Variants in ARHGAP17 observed in about 807,000 individuals in gnomAD.
ARHGAP17 encodes the protein rho GTPase-activating protein 17.
Under a neutral mutation model 99.5 loss-of-function variants are expected in ARHGAP17, and 57 were observed. The ratio of observed to expected loss-of-function variants is 0.57; its 90% confidence interval spans 0.46 to 0.71. The LOEUF (loss-of-function observed/expected upper bound fraction) is 0.71, where lower values mean the gene tolerates loss of function less well. Among genes scored for constraint, ARHGAP17 ranks in the 30% least tolerant of loss-of-function variants. The probability of loss-of-function intolerance (pLI) is 0.00; values close to 1 mark genes in which losing one functional copy is unlikely to be tolerated. For missense variants in ARHGAP17, 1,000 were observed against 1,122.4 expected, an observed-to-expected ratio of 0.89 and a Z score of 1.56; for synonymous variants, 417 against 429.6, an observed-to-expected ratio of 0.97 and a Z score of 0.36.
chr16:24,944,041 G>T (rs1213326494), intron 14 of ARHGAP17, among the ~76,000 whole-genome samples, 179 bp from the exon 15 acceptor site: 1 of 152,130 alleles, frequency 6.6e-6, no homozygotes, highest in Admixed American at 6.5e-5. Flanking sequence ...GGGAGGCTGA[G>T]GCGGGCGGAT....
chr16:24,929,546 G>A (rs2050927193), intron 19 of ARHGAP17: 28 of 969,414 alleles, frequency 2.9e-5, no homozygotes, highest in Non-Finnish European at 3.2e-5. Context: ...TGCAAAACAC[G>A]GCTAAGCAGG....
intron 1 of ARHGAP17, among the ~76,000 whole-genome samples, chr16:24,987,711 G>A (rs1006807366): frequency 6.6e-6 from 1 of 152,038 alleles, no homozygotes; most frequent in Non-Finnish European, 1.5e-5. Context: ...CAGGGCTGTT[G>A]GTTTTTGGTT....
chr16:24,927,330 G>C (rs1171455268), intron 19 of ARHGAP17, among the ~76,000 whole-genome samples: 1 of 152,214 alleles, frequency 6.6e-6, no homozygotes, highest in African/African-American at 2.4e-5. Context: ...AGATCAGCCA[G>C]GTTGTGCCTA....
At chr16:24,923,274 T>G (rs541690913) in intron 19 of ARHGAP17, among the ~76,000 whole-genome samples, 3 of 152,280 alleles carry the variant, frequency 2.0e-5, no homozygotes, top group Non-Finnish European at 4.4e-5. Context: ...GATCATTGTT[T>G]CAGTCTTACA....
chr16:25,003,984 C>A (rs1244190577), intron 1 of ARHGAP17, among the ~76,000 whole-genome samples: 4 of 152,094 alleles, frequency 2.6e-5, no homozygotes, highest in African/African-American at 9.7e-5. Context: ...GAGAGTTGCT[C>A]CCCTGCTAAG....
At chr16:24,997,951 C>A (rs891782891) in intron 1 of ARHGAP17, among the ~76,000 whole-genome samples, 1 of 152,090 alleles carries the variant, frequency 6.6e-6, no homozygotes, top group Non-Finnish European at 1.5e-5. Context: ...GCTGTGAGGA[C>A]CAGCAGCAAA....
At chr16:25,001,979 G>A (rs2053372198) in intron 1 of ARHGAP17, among the ~76,000 whole-genome samples, 1 of 151,994 alleles carries the variant, frequency 6.6e-6, no homozygotes, top group African/African-American at 2.4e-5. Flanking sequence ...TACTGGGGAG[G>A]CTGAGGCAGG....
intron 7 of ARHGAP17, among the ~76,000 whole-genome samples, chr16:24,961,489 A>G (rs2051996979): frequency 7.2e-6 from 1 of 139,604 alleles, no homozygotes. Context: ...ACAGAGCAAG[A>G]TCTAGTCTCT....
In ARHGAP17 at chr16:24,931,137, T is replaced by A; in HGVS notation, c.2162A>T (p.Gln721Leu). The A allele has an allele frequency of 6.2e-7, 1 of 1,604,960 alleles. No individual in the cohort carries two copies. Among genetic ancestry groups the A allele is most frequent in the Non-Finnish European group, 8.5e-7 (1 of 1,175,936 alleles). The change falls in exon 19 of 20, where the codon CAG (glutamine) becomes CTG (leucine). Residue 721 changes from glutamine to leucine, a missense_variant. Transcript: ENST00000289968. Reference sequence around the variant, plus strand: ...TTTGGTGTGCATCAGTGGCGTGGCCTGCGTAGGGGGCTGCGGCGGTGGGTG... The same window carrying A: ...TTTGGTGTGCATCAGTGGCGTGGCCAGCGTAGGGGGCTGCGGCGGTGGGTG... ...PNHPPPQPPT[Q>L]ATPLMHTKPN...
chr16:24,935,486 C>A lies in ARHGAP17; in HGVS notation c.1878G>T (p.Pro626=), dbSNP rs9921633. 1.9e-6 allele frequency: 3 copies of A among 1,603,362 alleles called. No individual in the cohort carries two copies. The Admixed American group carries it at 5.2e-5, about 28-fold the overall frequency. Residue 626 remains proline, a synonymous_variant, in exon 18 of 20, where the codon CCG becomes CCT. Coordinates refer to ENST00000289968, the MANE Select transcript of ARHGAP17 (RefSeq NM_001006634.3). ...GCTGCTTACCTCGGCGCAGTGTATG[C>A]GGGCTGGGCCCTGCAGCATTGTGAG... ...GQPHNAAGPS[P]HTLRRAVKKP...
chr16:24,975,625 G>A (rs1226375321), intron 3 of ARHGAP17, among the ~76,000 whole-genome samples: 1 of 152,142 alleles, frequency 6.6e-6, no homozygotes, highest in African/African-American at 2.4e-5. Context: ...TGCTGCCAGG[G>A]TGCCCCATAA....
At chr16:24,956,929 G>T (rs890216534) in intron 9 of ARHGAP17, 17 of 152,204 alleles carry the variant, frequency 1.1e-4, no homozygotes, top group African/African-American at 3.9e-4. Flanking sequence ...GTTGGAGGGG[G>T]TCTCATGAGA....
At position 24,947,927 on chromosome 16, in the gene ARHGAP17, A is replaced by G. The variant is rs146874902; in HGVS notation, c.1128-332T>C. Among the ~76,000 whole-genome samples, 201 of 152,314 alleles carry G rather than the reference A, an allele frequency of 1.3e-3. No individual in the cohort carries two copies. In the South Asian group the frequency reaches 0.028, roughly 21 times the overall value. ...ATAATGTGTTAATAGTGAGCTCAAT[A>G]TTTTTAAATACAAAAACAGACACAG... On this transcript the variant is annotated intron_variant, in intron 13 of 19. Coordinates refer to ENST00000289968, the MANE Select transcript of ARHGAP17 (RefSeq NM_001006634.3).
At position 24,920,030 on chromosome 16, in the gene ARHGAP17, C is replaced by T; in HGVS notation, c.*100G>A. Reference sequence around the variant, plus strand: ...CAGTGAGGCCCTCCTTTGTCCTCCACTGAAAGCTTTTCACTGTTCGGTCTG... The same window carrying T: ...CAGTGAGGCCCTCCTTTGTCCTCCATTGAAAGCTTTTCACTGTTCGGTCTG... On this transcript the variant is annotated 3_prime_UTR_variant, in exon 20 of 20. Coordinates refer to ENST00000289968, the MANE Select transcript of ARHGAP17 (RefSeq NM_001006634.3). 6.6e-7 allele frequency: 1 copy of T among 1,517,296 alleles called. No individual in the cohort carries two copies. Among genetic ancestry groups the T allele is most frequent in the Middle Eastern group, 2.5e-4 (1 of 4,050 alleles). The allele number at this position is 1,517,296 out of a possible 1,614,324, so 94.0% of individuals were successfully genotyped here.
intron 3 of ARHGAP17, 54 bp from the exon 4 acceptor site, chr16:24,970,634 A>C: frequency 6.7e-7 from 1 of 1,490,786 alleles, no homozygotes; most frequent in Non-Finnish European, 9.4e-7. Flanking sequence ...CCCATTCTCA[A>C]TGATCTTTTT....
At chr16:24,966,042 G>A (rs748041761) in intron 6 of ARHGAP17, among the ~76,000 whole-genome samples, 2 of 152,216 alleles carry the variant, frequency 1.3e-5, no homozygotes, top group African/African-American at 2.4e-5. Flanking sequence ...ATGCACTCAA[G>A]ATGCAAAACT....
chr16:25,006,492 T>C (rs1465720390), intron 1 of ARHGAP17, among the ~76,000 whole-genome samples: 3 of 150,936 alleles, frequency 2.0e-5, no homozygotes, highest in Non-Finnish European at 4.4e-5. Context: ...AGAGGCAGAA[T>C]TTCCAGTCTC....
At chr16:24,991,256 C>T (rs1192384319) in intron 1 of ARHGAP17, among the ~76,000 whole-genome samples, 4 of 152,192 alleles carry the variant, frequency 2.6e-5, no homozygotes, top group Non-Finnish European at 5.9e-5. Context: ...AATGATACCA[C>T]CACCATAGTG....
intron 1 of ARHGAP17, among the ~76,000 whole-genome samples, chr16:24,998,416 G>A (rs1428535773): frequency 3.3e-5 from 5 of 152,114 alleles, no homozygotes; most frequent in African/African-American, 9.6e-5. Context: ...CAGAGGGTGG[G>A]GTCCAGGCAG....
Sources: allele counts gnomAD v4.1 joint callset (sites outside exome capture counted in the v4.1 genomes callset), GRCh38; gene constraint gnomAD v4.1.1; transcripts MANE v1.5; gene names NCBI Gene and HGNC (gene_info 2026-07-23, HGNC 2026-07-21).